Variants in NR3C1 observed in about 807,000 individuals in gnomAD.
NR3C1 encodes nuclear receptor subfamily 3 group C member 1.
A neutral mutation model predicts 74.0 loss-of-function variants in NR3C1; 14 were observed. The ratio of observed to expected loss-of-function variants is 0.19; its 90% CI spans 0.12 to 0.30. The LOEUF is 0.30. Ranked by LOEUF, NR3C1 falls within the 10% of genes least tolerant of loss-of-function variation. The pLI, the probability that NR3C1 is intolerant of heterozygous loss-of-function variation, is 1.00. For synonymous variants in NR3C1, 308 were observed against 332.5 expected, an observed-to-expected ratio of 0.93 and a Z score of 0.80; for missense variants, 695 against 909.8, an observed-to-expected ratio of 0.76 and a Z score of 3.04.
At chr5:143,286,819 G>A (rs537186197) in intron 7 of NR3C1, among the ~76,000 whole-genome samples, 84 of 151,840 alleles carry the variant, frequency 5.5e-4, no homozygotes, top group African/African-American at 2.0e-3. Flanking sequence ...TTTTTTTCAA[G>A]CACTCATGGA....
At position 143,416,312 on chromosome 5, in the gene NR3C1, G is replaced by A. The variant is rs370476405; in HGVS notation, c.-13-15460C>T. ...CTGGTAATATCAGAGATAGGCACAT[G>A]ACAGGGACAGATACACCTTAATTCT... On this transcript the variant is annotated intron_variant, in intron 1 of 8. Transcript: ENST00000343796. Among the ~76,000 whole-genome samples, 4 of 152,234 alleles carry A rather than the reference G, an allele frequency of 2.6e-5. No individual in the cohort carries two copies. The South Asian group carries it at 6.2e-4, about 24-fold the overall frequency.
chr5:143,311,788 GTTTTTTTTTTT>G (rs34827388), intron 3 of NR3C1, among the ~76,000 whole-genome samples: 1 of 119,414 alleles, frequency 8.4e-6, no homozygotes, highest in Non-Finnish European at 1.7e-5. Context: ...CCTGGATAAC[GTTTTTTTTTTT>G]TTTTTTTTTC....
intron 2 of NR3C1, among the ~76,000 whole-genome samples, chr5:143,353,815 C>T (rs1294299489): frequency 2.0e-5 from 3 of 152,124 alleles, no homozygotes; most frequent in African/African-American, 7.2e-5. Context: ...TGAGACCTGG[C>T]TTCAACTTAA....
At position 143,400,653 on chromosome 5, in the gene NR3C1, C is replaced by T; in HGVS notation, c.187G>A (p.Val63Ile). The change falls in exon 2 of 9, where the codon GTT becomes ATT. Residue 63 changes from valine to isoleucine, a missense_variant. Val to Ile is a conservative substitution (Grantham distance 29, BLOSUM62 3). Coordinates refer to ENST00000394464, the MANE Select transcript of NR3C1 (RefSeq NM_000176.3). ...CTTACTGAGCCTTTTGGAAAATCAA[C>T]CAAAAGTCTTCGCTGCTTGGAGTCT... Reference protein sequence around the residue: ...QSDSKQRRLLVDFPKGSVSNA... With the variant: ...QSDSKQRRLLIDFPKGSVSNA... The T allele has an allele frequency of 6.2e-7, 1 of 1,613,988 alleles. No individual in the cohort carries two copies. Among genetic ancestry groups the T allele is most frequent in the South Asian group, 1.1e-5 (1 of 91,078 alleles).
chr5:143,370,998 G>A (rs565493216), intron 2 of NR3C1, among the ~76,000 whole-genome samples: 1 of 152,260 alleles, frequency 6.6e-6, no homozygotes, highest in East Asian at 1.9e-4. Context: ...TCAAGTATCT[G>A]TGTAAGGTAT....
chr5:143,375,882 T>C (rs1386756157), intron 2 of NR3C1: 1 of 152,214 alleles, frequency 6.6e-6, no homozygotes, highest in African/African-American at 2.4e-5. Context: ...TTCTGAACAG[T>C]ATCTGGATGA....
intron 2 of NR3C1, among the ~76,000 whole-genome samples, chr5:143,329,761 A>C (rs1029852395): frequency 5.3e-5 from 8 of 152,190 alleles, no homozygotes; most frequent in Non-Finnish European, 8.8e-5. Flanking sequence ...ACCAATACTC[A>C]TGTATTATTC....
chr5:143,411,119 G>A lies in NR3C1; in HGVS notation c.-13-10267C>T, dbSNP rs75154892. On this transcript the variant is annotated intron_variant, in intron 1 of 8. Coordinates refer to the NR3C1 transcript ENST00000343796. ...TGTTCTGTATAAGAACATACCATAC[G>A]ATGGTATGATGCAGCGTATCCCTTC... Among the ~76,000 whole-genome samples the A allele has an allele frequency of 9.9e-4, 150 of 152,200 alleles. 4 individuals carry two copies. The East Asian group carries it at 0.025, about 25-fold the overall frequency.
Position 143,400,217 on chromosome 5 carries a change from G to A in NR3C1, c.623C>T (p.Thr208Met), listed in dbSNP as rs748311337. The A allele has an allele frequency of 5.6e-6, 9 of 1,606,626 alleles. No individual in the cohort carries two copies. The highest frequency in any genetic ancestry group is 4.4e-5 in the South Asian group (4 of 90,024). The change falls in exon 2 of 9, where the codon ACG becomes ATG. Residue 208 changes from threonine to methionine, a missense_variant. Transcript: ENST00000394464. ...EFSSGSPGKE[T>M]NESPWRSDLL... ...GTCTGATCTCCAAGGACTCTCATTC[G>A]TCTCTTTACCTGGGGACCCAGAAGA... is the stretch of plus-strand genomic sequence containing the variant.
intron 2 of NR3C1, among the ~76,000 whole-genome samples, chr5:143,397,028 T>C (rs1051205691): frequency 5.9e-5 from 9 of 151,902 alleles, no homozygotes; most frequent in African/African-American, 2.2e-4. Flanking sequence ...ATAAGGTTTC[T>C]CTTGTTTTAC....
At chr5:143,433,792 T>A (rs1751987365) in intron 1 of NR3C1, 1 of 152,370 alleles carries the variant, frequency 6.6e-6, no homozygotes, top group Non-Finnish European at 1.5e-5. Context: ...CTACAGTTAA[T>A]TCTTCACACA....
Position 143,403,478 on chromosome 5 carries a change from C to T in NR3C1, c.-281G>A. On this transcript the variant is annotated 5_prime_UTR_variant, in exon 1 of 9. Transcript: ENST00000394464. Reference sequence around the variant, plus strand: ...CCGGGCGCGCGTGCCCCGTCCCGGTCCCAGCTGCTTCGGCCGCTCCGGCTG... The same window carrying T: ...CCGGGCGCGCGTGCCCCGTCCCGGTTCCAGCTGCTTCGGCCGCTCCGGCTG... The T allele has an allele frequency of 1.0e-6, 1 of 985,100 alleles. No homozygotes were observed. Among genetic ancestry groups the T allele is most frequent in the Non-Finnish European group, 1.2e-6 (1 of 829,916 alleles). 61.0% of individuals were successfully genotyped at this position (985,100 alleles called of 1,614,324 possible).
Position 143,423,829 on chromosome 5 carries a change from A to C in NR3C1, c.-14+10703T>G, listed in dbSNP as rs115291023. ...ATCAACATGGATGGAACTGGAGGAC[A>C]TTATGCAAGAGAAATAAGCCAGGCA... is the stretch of plus-strand genomic sequence containing the variant. On this transcript the variant is annotated intron_variant, in intron 1 of 8. Transcript: ENST00000343796. 4.7e-3 allele frequency among the ~76,000 whole-genome samples: 715 copies of C among 152,260 alleles called. 7 individuals are homozygous for C. Among genetic ancestry groups the C allele is most frequent in the African/African-American group, 0.017 (700 of 41,550 alleles).
At chr5:143,430,958 A>C (rs1399338837) in intron 1 of NR3C1, among the ~76,000 whole-genome samples, 1 of 152,246 alleles carries the variant, frequency 6.6e-6, no homozygotes, top group East Asian at 1.9e-4. Flanking sequence ...AATTCTGCTT[A>C]GGAACTTCCA....
In NR3C1 at chr5:143,400,012, C is replaced by G; in HGVS notation, c.828G>C (p.Val276=). ...SSPSNVTLPQ[V]KTEKEDFIEL... ...CGATGAAATCTTCTTTTTCTGTTTTCACTTGGGGCAGTGTTACATTACTGG... is the reference window on the plus strand; with the variant it reads ...CGATGAAATCTTCTTTTTCTGTTTTGACTTGGGGCAGTGTTACATTACTGG... The change falls in exon 2 of 9, where the codon GTG becomes GTC. Residue 276 remains valine, a synonymous_variant. Coordinates refer to ENST00000394464, the MANE Select transcript of NR3C1 (RefSeq NM_000176.3). 6.2e-7 allele frequency: 1 copy of G among 1,614,180 alleles called. No homozygotes were observed. Among genetic ancestry groups the G allele is most frequent in the African/African-American group, 1.3e-5 (1 of 75,038 alleles).
At chr5:143,321,710 G>A (rs1279436059) in intron 2 of NR3C1, among the ~76,000 whole-genome samples, 2 of 152,110 alleles carry the variant, frequency 1.3e-5, no homozygotes, top group African/African-American at 2.4e-5. Flanking sequence ...AGGGATCCTG[G>A]ATTCTACAAA....
At chr5:143,324,543 A>G (rs908614487) in intron 2 of NR3C1, among the ~76,000 whole-genome samples, 4 of 152,180 alleles carry the variant, frequency 2.6e-5, no homozygotes, top group African/African-American at 9.7e-5. Context: ...TGTGATGGGA[A>G]GGGCTGCTGT....
intron 4 of NR3C1, 133 bp downstream of exon 4, chr5:143,309,963 CA>C (rs1820553538): frequency 1.4e-6 from 1 of 711,908 alleles, no homozygotes; most frequent in Non-Finnish European, 2.5e-6. Flanking sequence ...TGGGCAGTAA[CA>C]TTATGCTAGT....
chr5:143,406,693 A>G (rs190329633), upstream of NR3C1, among the ~76,000 whole-genome samples: 72 of 152,352 alleles, frequency 4.7e-4, no homozygotes, highest in East Asian at 0.012. Context: ...CAACAGGCTT[A>G]CAGAGGTTGA....
Sources: allele counts gnomAD v4.1 joint callset (sites outside exome capture counted in the v4.1 genomes callset), GRCh38; gene constraint gnomAD v4.1.1; transcripts MANE v1.5; gene names NCBI Gene and HGNC (gene_info 2026-07-23, HGNC 2026-07-21).